ST6GALNAC5: variants seen among roughly 807,000 people sequenced by gnomAD.
The protein encoded by ST6GALNAC5 is ST6 N-acetylgalactosaminide alpha-2,6-sialyltransferase 5.
A neutral mutation model predicts 33.6 loss-of-function variants in ST6GALNAC5; 27 were observed. The observed-to-expected ratio is 0.80, with a 90% CI of 0.59 to 1.11. The LOEUF is 1.11. Among genes scored for constraint, ST6GALNAC5 ranks in the 50% least tolerant of loss-of-function variants. The probability of loss-of-function intolerance (pLI) is 0.00; values close to 1 mark genes in which losing one functional copy is unlikely to be tolerated. For synonymous variants in ST6GALNAC5, 194 were observed against 171.2 expected, an observed-to-expected ratio of 1.13 and a Z score of -1.04; for missense variants, 428 against 454.0, an observed-to-expected ratio of 0.94 and a Z score of 0.52.
intron 2 of ST6GALNAC5, among the ~76,000 whole-genome samples, chr1:77,028,255 G>T (rs1051097838): frequency 6.6e-6 from 1 of 152,210 alleles, no homozygotes; most frequent in Non-Finnish European, 1.5e-5. Context: ...CCTGGCCAGA[G>T]AAATTCACTA....
chr1:77,042,420 C>G (rs1032684740), intron 2 of ST6GALNAC5, among the ~76,000 whole-genome samples: 18 of 152,210 alleles, frequency 1.2e-4, no homozygotes, highest in African/African-American at 4.3e-4. Context: ...TTTTTGCATT[C>G]TGACTGCCTA....
chr1:76,961,929 A>G (rs1648255443), intron 2 of ST6GALNAC5, among the ~76,000 whole-genome samples: 1 of 152,184 alleles, frequency 6.6e-6, no homozygotes, highest in South Asian at 2.1e-4. Context: ...CAACCATTGA[A>G]ATCCATGTGC....
Position 76,975,907 on chromosome 1 carries a change from C to A in ST6GALNAC5, c.262-68297C>A, listed in dbSNP as rs181382196. 1.2e-3 allele frequency among the ~76,000 whole-genome samples: 188 copies of A among 152,126 alleles called. 1 individual carries two copies. The highest frequency in any genetic ancestry group is 4.1e-3 in the African/African-American group (170 of 41,494). On this transcript the variant is annotated intron_variant, in intron 2 of 4. Coordinates refer to ENST00000477717, the MANE Select transcript of ST6GALNAC5 (RefSeq NM_030965.3). Reference sequence around the variant, plus strand: ...CTCAGGAGTTCCAGACCAGCCTGGGCAACATGGTGAAACCCCATCTCTACT... The same window carrying A: ...CTCAGGAGTTCCAGACCAGCCTGGGAAACATGGTGAAACCCCATCTCTACT...
chr1:76,979,262 A>G (rs1037315608), intron 2 of ST6GALNAC5, among the ~76,000 whole-genome samples: 5 of 151,724 alleles, frequency 3.3e-5, no homozygotes, highest in East Asian at 1.9e-4. Context: ...ACAGAAATGG[A>G]AAAAAAAATC....
intron 2 of ST6GALNAC5, among the ~76,000 whole-genome samples, chr1:77,000,299 G>C (rs199985630): frequency 0.23 from 26,973 of 116,940 alleles, 6,155 homozygotes; most frequent in South Asian, 0.4. Flanking sequence ...CTTTTGAGAA[G>C]TGTCTGTTCA....
intron 2 of ST6GALNAC5, among the ~76,000 whole-genome samples, chr1:76,957,273 G>A (rs1476045525): frequency 6.6e-5 from 10 of 152,066 alleles, no homozygotes; most frequent in Non-Finnish European, 8.8e-5. Context: ...GGTGATTGCC[G>A]ACAGTCCTTG....
At chr1:76,886,099 T>A (rs1484110018) in intron 2 of ST6GALNAC5, among the ~76,000 whole-genome samples, 1 of 151,032 alleles carries the variant, frequency 6.6e-6, no homozygotes, top group African/African-American at 2.5e-5. Flanking sequence ...ATGGTGCAGA[T>A]CTAATTCCCT....
intron 2 of ST6GALNAC5, among the ~76,000 whole-genome samples, chr1:77,033,106 T>C (rs1322325410): frequency 6.6e-6 from 1 of 152,168 alleles, no homozygotes; most frequent in Non-Finnish European, 1.5e-5. Context: ...ATCAGGGAGT[T>C]ATTTGAAGGC....
chr1:76,996,397 T>A (rs939612965), intron 2 of ST6GALNAC5, among the ~76,000 whole-genome samples: 1 of 135,438 alleles, frequency 7.4e-6, no homozygotes, highest in Non-Finnish European at 1.5e-5. Context: ...AAGAATGAGA[T>A]GTATGTATTT....
chr1:76,897,293 T>A (rs1227936966), intron 2 of ST6GALNAC5, among the ~76,000 whole-genome samples: 1 of 151,988 alleles, frequency 6.6e-6, no homozygotes, highest in Non-Finnish European at 1.5e-5. Flanking sequence ...GAGGGAGGTA[T>A]TGAGGATAGG....
rs578124450 is a variant in ST6GALNAC5 at position 76,880,803 on chromosome 1, G to C, written c.261+12061G>C. Reference sequence around the variant, plus strand: ...CCCAATCCAATCAAGTTGACACTTAGCATTAACTATCACACTCATGCTATG... The same window carrying C: ...CCCAATCCAATCAAGTTGACACTTACCATTAACTATCACACTCATGCTATG... On this transcript the variant is annotated intron_variant, in intron 2 of 4. Transcript: ENST00000477717. 2.6e-5 allele frequency among the ~76,000 whole-genome samples: 4 copies of C among 152,272 alleles called. No homozygotes were observed. In the South Asian group the frequency reaches 8.3e-4, roughly 32 times the overall value.
intron 2 of ST6GALNAC5, among the ~76,000 whole-genome samples, chr1:76,936,995 T>TGTGTG (rs1196422338): frequency 1.3e-5 from 2 of 150,242 alleles, no homozygotes; most frequent in African/African-American, 4.9e-5. Flanking sequence ...TGTGTATGTG[T>TGTGTG]TAGAAAGGGG....
intron 2 of ST6GALNAC5, among the ~76,000 whole-genome samples, chr1:77,031,565 A>G (rs1228265680): frequency 6.6e-6 from 1 of 152,232 alleles, no homozygotes; most frequent in Non-Finnish European, 1.5e-5. Context: ...GGTTAAGTGT[A>G]ATTGGTTTAG....
At chr1:76,931,302 T>C (rs546169050) in intron 2 of ST6GALNAC5, among the ~76,000 whole-genome samples, 1 of 152,248 alleles carries the variant, frequency 6.6e-6, no homozygotes, top group South Asian at 2.1e-4. Context: ...ATTTCAGCCT[T>C]GTAAGACCCT....
chr1:77,043,309 A>G (rs990110073), intron 2 of ST6GALNAC5, among the ~76,000 whole-genome samples: 1 of 152,246 alleles, frequency 6.6e-6, no homozygotes. Context: ...ATTTGTTAGG[A>G]CGTAGGTGTT....
At chr1:77,054,470 A>G (rs1454360435) in intron 4 of ST6GALNAC5, among the ~76,000 whole-genome samples, 1 of 152,230 alleles carries the variant, frequency 6.6e-6, no homozygotes, top group Non-Finnish European at 1.5e-5. Context: ...TTTGACAAAT[A>G]AGAACTTTAA....
chr1:76,948,994 T>G (rs2100335070), intron 2 of ST6GALNAC5, among the ~76,000 whole-genome samples: 1 of 152,280 alleles, frequency 6.6e-6, no homozygotes, highest in African/African-American at 2.4e-5. Context: ...GAGGCTGTGC[T>G]TCTCTCAAAG....
Position 76,868,240 on chromosome 1 carries a change from CG to C in ST6GALNAC5, c.16-253del, listed in dbSNP as rs2100905111. 6.6e-6 allele frequency among the ~76,000 whole-genome samples: 1 copy of C among 152,202 alleles called. No individual in the cohort carries two copies. Among genetic ancestry groups the C allele is most frequent in the Admixed American group, 6.5e-5 (1 of 15,294 alleles). On this transcript the variant is annotated intron_variant, in intron 1 of 4. Coordinates refer to ENST00000477717, the MANE Select transcript of ST6GALNAC5 (RefSeq NM_030965.3). The surrounding 1 kb of genome is among the most constrained non-coding windows in gnomAD (Gnocchi z 4.3). Reference sequence around the variant, plus strand: ...CCCCGGCGCGCTCCCTCCCTCAGCCCGGGGCCGTACACCACCTGCCCTCTAC... The same window carrying C: ...CCCCGGCGCGCTCCCTCCCTCAGCCCGGGCCGTACACCACCTGCCCTCTAC...
Position 76,868,591 on chromosome 1 carries a change from C to CGCA in ST6GALNAC5, c.132_134dup (p.Gln49dup), listed in dbSNP as rs113832855. The CGCA allele has an allele frequency of 1.4e-3, 2,175 of 1,609,762 alleles. 2 individuals carry two copies. The highest frequency in any genetic ancestry group is 6.6e-3 in the East Asian group (294 of 44,682). Reference sequence around the variant, plus strand: ...CTCGGCGGCCAGAAGGAGCGGCCCCCGCAGCAGCAGCAGCAGCAGCAGCAA... The same window carrying CGCA: ...CTCGGCGGCCAGAAGGAGCGGCCCCCGCAGCAGCAGCAGCAGCAGCAGCAGCAA... On this transcript the variant is annotated inframe_insertion, in exon 2 of 5. Coordinates refer to ENST00000477717, the MANE Select transcript of ST6GALNAC5 (RefSeq NM_030965.3). This position sits in a 1 kb window ranked among gnomAD's most constrained non-coding sequence, Gnocchi z 4.3.
Sources: allele counts gnomAD v4.1 joint callset (sites outside exome capture counted in the v4.1 genomes callset), GRCh38; gene constraint gnomAD v4.1.1; non-coding constraint Gnocchi (gnomAD v3.1); transcripts MANE v1.5; gene names NCBI Gene and HGNC (gene_info 2026-07-23, HGNC 2026-07-21).